The following CEP131 variants were observed in gnomAD, a reference collection of about 807,000 sequenced individuals.
CEP131 encodes the protein centrosomal protein 131.
Under a neutral mutation model 136.8 loss-of-function variants are expected in CEP131, and 99 were observed. The observed-to-expected ratio is 0.72, with a 90% confidence interval of 0.62 to 0.86. The LOEUF is 0.86. Among genes scored for constraint, CEP131 ranks in the 40% least tolerant of loss-of-function variants. The pLI, the probability that CEP131 is intolerant of heterozygous loss-of-function variation, is 0.00. For synonymous variants in CEP131, 646 were observed against 612.7 expected, an observed-to-expected ratio of 1.05 and a Z score of -0.80; for missense variants, 1,459 against 1,463.0, an observed-to-expected ratio of 1.00 and a Z score of 0.04.
chr17:81,209,028 A>T lies in CEP131; in HGVS notation c.178-6T>A, dbSNP rs771116273. 7.5e-6 allele frequency: 12 copies of T among 1,599,500 alleles called. No individual in the cohort carries two copies. In the East Asian group the frequency reaches 2.7e-4, roughly 36 times the overall value. On this transcript the variant is annotated splice_region_variant and splice_polypyrimidine_tract_variant and intron_variant, in intron 2 of 25. Transcript: ENST00000450824. ...CCCCCAGGCCCTGTGGCCTCCTGCA[A>T]AAAGGGAGAAAACAGTTAATTATGC...
chr17:81,195,803 G>C, intron 16 of CEP131, 32 bp downstream of exon 16: 1 of 1,577,406 alleles, frequency 6.3e-7, no homozygotes. Flanking sequence ...AGCCGGGCTT[G>C]GGACGCCGTG....
Position 81,197,880 on chromosome 17 carries a change from G to A in CEP131, c.1479C>T (p.Asp493=), listed in dbSNP as rs779300324. 4.7e-5 allele frequency: 75 copies of A among 1,612,154 alleles called. No individual in the cohort carries two copies. Among genetic ancestry groups the A allele is most frequent in the Non-Finnish European group, 5.9e-5 (70 of 1,179,466 alleles). ...AGTTGTCAGCTGTCAGAGAGCTGGC[G>A]TCATCCTCCTGTGGGACAGGAGCCC... ...GRYAWASEED[D]ASSLTADNLE... is the part of the protein sequence containing the mutation. The change falls in exon 13 of 26, where the codon GAC becomes GAT. Residue 493 remains aspartate, a synonymous_variant. Coordinates refer to ENST00000450824, the MANE Select transcript of CEP131 (RefSeq NM_014984.4).
At position 81,191,341 on chromosome 17, in the gene CEP131, G is replaced by A. The variant is rs571966380; in HGVS notation, c.2623-6C>T. The A allele has an allele frequency of 6.2e-7, 1 of 1,612,524 alleles. No homozygotes were observed. The highest frequency in any genetic ancestry group is 1.7e-4 in the Middle Eastern group (1 of 6,056). ...CGGTTCAGCAGCCACGCCTCCTGGG[G>A]GGACATGCGCTGCCTGGGGGTTGCC... On this transcript the variant is annotated splice_polypyrimidine_tract_variant and splice_region_variant and intron_variant, in intron 21 of 25. Transcript: ENST00000450824.
In CEP131 at chr17:81,189,984, A is replaced by G. The variant is rs1391575465; in HGVS notation, c.3108-9T>C. On this transcript the variant is annotated splice_polypyrimidine_tract_variant and intron_variant, in intron 24 of 25. Transcript: ENST00000450824. Reference sequence around the variant, plus strand: ...CGAGGGCTGTCTTCACCCTGTGGGTAGTACATGGTAGGCTTCAGTGTGGCC... The same window carrying G: ...CGAGGGCTGTCTTCACCCTGTGGGTGGTACATGGTAGGCTTCAGTGTGGCC... 6.3e-7 allele frequency: 1 copy of G among 1,599,894 alleles called. No individual in the cohort carries two copies. Among genetic ancestry groups the G allele is most frequent in the South Asian group, 1.1e-5 (1 of 90,122 alleles).
rs1310888381 is a variant in CEP131 at position 81,208,319 on chromosome 17, G to A, written c.272+609C>T. Among the ~76,000 whole-genome samples the A allele has an allele frequency of 2.0e-5, 3 of 152,202 alleles. No homozygotes were observed. Among genetic ancestry groups the A allele is most frequent in the Admixed American group, 6.5e-5 (1 of 15,276 alleles). On this transcript the variant is annotated intron_variant, in intron 3 of 25. Coordinates refer to ENST00000450824, the MANE Select transcript of CEP131 (RefSeq NM_014984.4). This position sits in a 1 kb window ranked among gnomAD's most constrained non-coding sequence, Gnocchi z 5.6. ...AGAACTCAGCCTTCATTAGGTCCACGGCCCCACAGGAGCACCCTGCTCGCT... is the reference window on the plus strand; with the variant it reads ...AGAACTCAGCCTTCATTAGGTCCACAGCCCCACAGGAGCACCCTGCTCGCT...
intron 5 of CEP131, among the ~76,000 whole-genome samples, chr17:81,205,855 T>G (rs2061998265): frequency 6.6e-6 from 1 of 152,104 alleles, no homozygotes. Context: ...GCTATGATCG[T>G]GGACTCCAGT....
At chr17:81,191,386 G>C (rs1187446602) in intron 21 of CEP131, 51 bp from the exon 22 acceptor site, 1 of 1,603,030 alleles carries the variant, frequency 6.2e-7, no homozygotes, top group Non-Finnish European at 8.5e-7. Context: ...CGGCCCGCGG[G>C]GCCAGGGCCA....
chr17:81,215,052 C>T lies in CEP131; in HGVS notation c.177+4828G>A, dbSNP rs935996698. Among the ~76,000 whole-genome samples, 1 of 151,956 alleles carries T rather than the reference C, an allele frequency of 6.6e-6. No individual in the cohort carries two copies. The highest frequency in any genetic ancestry group is 1.5e-5 in the Non-Finnish European group (1 of 68,000). On this transcript the variant is annotated intron_variant, in intron 2 of 25. Coordinates refer to ENST00000450824, the MANE Select transcript of CEP131 (RefSeq NM_014984.4). The surrounding 1 kb of genome is among the most constrained non-coding windows in gnomAD (Gnocchi z 4.1). ...TCAACCTCCCAAAGTGCTGGGATTA[C>T]AGGCATGAGCCACCGCGCCTGGCCA...
chr17:81,207,380 A>G lies in CEP131; in HGVS notation c.273-141T>C. 2.8e-6 allele frequency: 2 copies of G among 721,214 alleles called. 1 individual carries two copies. Among genetic ancestry groups the G allele is most frequent in the South Asian group, 3.4e-5 (2 of 59,000 alleles). The allele number at this position is 721,214 out of a possible 1,614,324, so 44.7% of individuals were successfully genotyped here. A position where few individuals can be genotyped will look rare whatever the true frequency, so the allele number is the denominator to read the frequency against. ...CTCTGTTTCTAGGCCCAAAGCCCCC[A>G]TCTGACCACTGTGCCTGGCCAGGGT... On this transcript the variant is annotated intron_variant, in intron 3 of 25. Transcript: ENST00000450824.
intron 2 of CEP131, 66 bp from the exon 3 acceptor site, chr17:81,209,088 G>A (rs553689337): frequency 2.2e-5 from 27 of 1,221,736 alleles, no homozygotes; most frequent in African/African-American, 8.9e-5. Flanking sequence ...CTCAGCCTCC[G>A]CCAGCTTTGG....
rs559018459 is a variant in CEP131 at position 81,193,957 on chromosome 17, C to G, written c.2290G>C (p.Gly764Arg). 9.0e-5 allele frequency: 139 copies of G among 1,540,856 alleles called. 5 individuals carry two copies. The South Asian group carries it at 1.6e-3, about 18-fold the overall frequency. ...EQLEREKEAL[G>R]QQERERARQR... ...CGAGCACGTTCGCGCTCCTGCTGGC[C>G]CAGCGCCTCCTTCTCCCGCTCCAGC... Residue 764 changes from glycine to arginine, a missense_variant, in exon 18 of 26, where the codon GGC becomes CGC. Gly to Arg is a moderately radical substitution (Grantham distance 125). This residue lies in a region of CEP131 where 1,026 missense variants were observed against 964.2 expected (regional missense o/e 1.06). Transcript: ENST00000450824.
At chr17:81,205,549 A>T (rs1335365003) in intron 5 of CEP131, among the ~76,000 whole-genome samples, 1 of 150,616 alleles carries the variant, frequency 6.6e-6, no homozygotes, top group Non-Finnish European at 1.5e-5. Context: ...TTTTAAGCCT[A>T]TGGTGCTGTT....
chr17:81,218,426 G>A (rs1054987905), intron 2 of CEP131, among the ~76,000 whole-genome samples: 4 of 152,274 alleles, frequency 2.6e-5, no homozygotes, highest in African/African-American at 9.6e-5. Context: ...GGCCAAGGCA[G>A]GTGGGCGAGG....
intron 11 of CEP131, 124 bp downstream of exon 11, chr17:81,198,753 T>G: frequency 1.0e-6 from 1 of 992,398 alleles, no homozygotes; most frequent in South Asian, 1.5e-5. Flanking sequence ...GTGGCCTCTC[T>G]GAGCTTAAGT....
intron 1 of CEP131, among the ~76,000 whole-genome samples, chr17:81,221,124 C>CA (rs760838378): frequency 0.46 from 24,835 of 53,660 alleles, 6,335 homozygotes; most frequent in East Asian, 0.72. Context: ...GACTCCATCT[C>CA]AAAAAAAAAA....
At chr17:81,205,394 AGCGGGGCAGTGGGTGGGGGG>A (rs2061982636) in intron 5 of CEP131, among the ~76,000 whole-genome samples, 1 of 102,358 alleles carries the variant, frequency 9.8e-6, no homozygotes, top group African/African-American at 4.2e-5. Flanking sequence ...TAGGAGGGGC[AGCGGGGCAGTGGGTGGGGGG>A]TAGGAGGGGC....
chr17:81,221,992 T>C (rs2146783784), intron 1 of CEP131, among the ~76,000 whole-genome samples: 1 of 152,300 alleles, frequency 6.6e-6, no homozygotes, highest in South Asian at 2.1e-4. Context: ...ACCCTGCCAC[T>C]GACCAGGTCC....
chr17:81,203,229 G>A lies in CEP131; in HGVS notation c.629+265C>T, dbSNP rs1446378001. Among the ~76,000 whole-genome samples, 2 of 152,192 alleles carry A rather than the reference G, an allele frequency of 1.3e-5. No homozygotes were observed. Among genetic ancestry groups the A allele is most frequent in the African/African-American group, 4.8e-5 (2 of 41,446 alleles). The stretch of plus-strand genomic sequence containing the variant: ...CATCTGGGCTGTTTTCTCTCTGTGG[G>A]AAGCTGCCGACCCAAGAACAGAAGA... On this transcript the variant is annotated intron_variant, in intron 6 of 25. Coordinates refer to ENST00000450824, the MANE Select transcript of CEP131 (RefSeq NM_014984.4). The surrounding 1 kb of genome is among the most constrained non-coding windows in gnomAD (Gnocchi z 4.6).
rs1205900754 is a variant in CEP131 at position 81,219,659 on chromosome 17, G to A, written c.177+221C>T. Among the ~76,000 whole-genome samples the A allele has an allele frequency of 6.6e-6, 1 of 152,132 alleles. No individual in the cohort carries two copies. Among genetic ancestry groups the A allele is most frequent in the Non-Finnish European group, 1.5e-5 (1 of 68,014 alleles). ...GCGGTGGCACAGGAGGCCTGGGGCTGTTGCTGAAAGAATCCAAGCTCTGGC... is the reference window on the plus strand; with the variant it reads ...GCGGTGGCACAGGAGGCCTGGGGCTATTGCTGAAAGAATCCAAGCTCTGGC... On this transcript the variant is annotated intron_variant, in intron 2 of 25. Transcript: ENST00000450824. This position sits in a 1 kb window ranked among gnomAD's most constrained non-coding sequence, Gnocchi z 4.0.
Sources: allele counts gnomAD v4.1 joint callset (sites outside exome capture counted in the v4.1 genomes callset), GRCh38; gene constraint gnomAD v4.1.1; regional missense constraint gnomAD v4.1.1; non-coding constraint Gnocchi (gnomAD v3.1); transcripts MANE v1.5; gene names NCBI Gene and HGNC (gene_info 2026-07-23, HGNC 2026-07-21).